TGM2: variants seen among roughly 807,000 people sequenced by gnomAD.
The protein encoded by TGM2 is protein-glutamine gamma-glutamyltransferase 2.
TGM2 carries 53 observed loss-of-function variants against 75.6 expected under a neutral mutation model. The ratio of observed to expected loss-of-function variants is 0.70; its 90% CI spans 0.56 to 0.88. The LOEUF (loss-of-function observed/expected upper bound fraction) is 0.88, where lower values mean the gene tolerates loss of function less well. Among genes scored for constraint, TGM2 ranks in the 40% least tolerant of loss-of-function variants. The pLI, the probability that TGM2 is intolerant of heterozygous loss-of-function variation, is 0.00. For synonymous variants in TGM2, 374 were observed against 381.1 expected (o/e 0.98, Z 0.22); for missense variants, 842 against 928.5 (o/e 0.91, Z 1.21).
intron 3 of TGM2, among the ~76,000 whole-genome samples, chr20:38,154,731 AC>A (rs1307149450): frequency 6.8e-5 from 10 of 147,852 alleles, no homozygotes; most frequent in Non-Finnish European, 1.0e-4. Flanking sequence ...GCTCCTACTC[AC>A]CCCCCTCCCC....
intron 12 of TGM2, 36 bp downstream of exon 12, chr20:38,131,057 C>T (rs1044393229): frequency 1.7e-5 from 27 of 1,608,744 alleles, no homozygotes; most frequent in African/African-American, 6.7e-5. Context: ...CTGCCCGCTT[C>T]CCCCAGGCCC....
chr20:38,139,209 A>G (rs1195736480), intron 9 of TGM2, among the ~76,000 whole-genome samples: 1 of 152,218 alleles, frequency 6.6e-6, no homozygotes, highest in East Asian at 1.9e-4. Context: ...CTCTTTCCCT[A>G]AATGAATAAT....
Position 38,138,327 on chromosome 20 carries a change from C to T in TGM2, c.1401G>A (p.Glu467=), listed in dbSNP as rs764406660. 8 of 1,614,226 alleles carry T rather than the reference C, an allele frequency of 5.0e-6. No homozygotes were observed. In the South Asian group the frequency reaches 7.7e-5, roughly 16 times the overall value. The change falls in exon 10 of 13, where the codon GAG becomes GAA. Residue 467 remains glutamate (E), a synonymous_variant. Transcript: ENST00000361475. ...TRANHLNKLA[E]KEETGMAMRI... ...GCATGGCCATCCCTGTCTCCTCCTT[C>T]TCGGCCAGTTTGTTCAGGTGGTTCG...
At chr20:38,168,140 T>C (rs964294280), upstream of TGM2, among the ~76,000 whole-genome samples, 3 of 152,152 alleles carry the variant, frequency 2.0e-5, no homozygotes, top group African/African-American at 7.2e-5. Flanking sequence ...CCACTTCCTC[T>C]CCCACATTCC....
intron 3 of TGM2, among the ~76,000 whole-genome samples, chr20:38,153,528 A>AAAAAAAGAAAAAAAAAAAG (rs56670550): frequency 8.0e-6 from 1 of 125,254 alleles, no homozygotes; most frequent in African/African-American, 3.4e-5. Flanking sequence ...TGGTCTCAAA[A>AAAAAAAGAAAAAAAAAAAG]AAAAGAAAAA....
intron 3 of TGM2, among the ~76,000 whole-genome samples, chr20:38,153,622 G>A (rs1360276741): frequency 6.6e-6 from 1 of 152,044 alleles, no homozygotes; most frequent in Non-Finnish European, 1.5e-5. Context: ...AAACCAAGTT[G>A]TAGGTTAATG....
Position 38,139,367 on chromosome 20 carries a change from G to C in TGM2, c.1342+45C>G, listed in dbSNP as rs763522596. 8.1e-6 allele frequency: 13 copies of C among 1,613,450 alleles called. No individual in the cohort carries two copies. The Admixed American group carries it at 2.0e-4, about 25-fold the overall frequency. ...CGAGCCTGCCGGGCTGGGAAAACTG[G>C]ATGCTTATCTTCAAGGCTGCATTAA... On this transcript the variant is annotated intron_variant, in intron 9 of 12. Transcript: ENST00000361475.
intron 6 of TGM2, among the ~76,000 whole-genome samples, chr20:38,144,185 C>A (rs1398226533): frequency 6.6e-6 from 1 of 152,216 alleles, no homozygotes; most frequent in Non-Finnish European, 1.5e-5. Flanking sequence ...TAACAGGAGG[C>A]TGCCCCAGCA....
intron 6 of TGM2, 46 bp from the exon 7 acceptor site, chr20:38,142,245 G>C (rs1470039648): frequency 8.7e-6 from 14 of 1,610,584 alleles, no homozygotes; most frequent in Non-Finnish European, 1.1e-5. Context: ...GGAGACATCC[G>C]CCCTGCTCTG....
chr20:38,148,080 C>T lies in TGM2; in HGVS notation c.562G>A (p.Gly188Arg). 1.2e-6 allele frequency: 2 copies of T among 1,614,136 alleles called. No homozygotes were observed. Among genetic ancestry groups the T allele is most frequent in the South Asian group, 2.2e-5 (2 of 91,060 alleles). The stretch of plus-strand genomic sequence containing the variant: ...AGGATCAGGCAGATGTCTAGGATCC[C>T]ATCTTCAAACTGTGTCAGAGGAAAC... The part of the protein sequence containing the change: ...IPWNFGQFED[G>R]ILDICLILLD... The change falls in exon 5 of 13, where the codon GGG becomes AGG. Residue 188 changes from glycine (G) to arginine (R), a missense_variant. Coordinates refer to ENST00000361475, the MANE Select transcript of TGM2 (RefSeq NM_004613.4).
chr20:38,131,222 C>T lies in TGM2; in HGVS notation c.1784G>A (p.Gly595Glu), dbSNP rs1490787627. 6.2e-7 allele frequency: 1 copy of T among 1,613,802 alleles called. No homozygotes were observed. The highest frequency in any genetic ancestry group is 1.1e-5 in the South Asian group (1 of 91,074). The change falls in exon 12 of 13, where the codon GGG (glycine) becomes GAG (glutamate). Residue 595 changes from glycine (G) to glutamate (E), a missense_variant. By Grantham distance (98) the Gly-to-Glu change is moderately conservative. Transcript: ENST00000361475. ...ENPEIKIRILGEPKQKRKLVA... is the reference protein window; with the variant it reads ...ENPEIKIRILEEPKQKRKLVA... Reference sequence around the variant, plus strand: ...CAGCTTGCGTTTCTGCTTGGGCTCCCCAAGGATCTGGAAGAGGGCATGGGG... The same window carrying T: ...CAGCTTGCGTTTCTGCTTGGGCTCCTCAAGGATCTGGAAGAGGGCATGGGG...
chr20:38,130,384 G>T lies in TGM2; in HGVS notation c.1914-15C>A, dbSNP rs188603887. 1.9e-6 allele frequency: 3 copies of T among 1,575,594 alleles called. No homozygotes were observed. The highest frequency in any genetic ancestry group is 1.7e-6 in the Non-Finnish European group (2 of 1,160,456). ...CGGGGTCTGGGCTGCAGGGAGAGAGGGGGTGGTGAGGAAAGGGGCCCAAGG... is the reference window on the plus strand; with the variant it reads ...CGGGGTCTGGGCTGCAGGGAGAGAGTGGGTGGTGAGGAAAGGGGCCCAAGG... On this transcript the variant is annotated splice_polypyrimidine_tract_variant and intron_variant, in intron 12 of 12. Coordinates refer to ENST00000361475, the MANE Select transcript of TGM2 (RefSeq NM_004613.4).
chr20:38,149,025 G>A (rs952904790), intron 4 of TGM2, among the ~76,000 whole-genome samples: 3 of 152,172 alleles, frequency 2.0e-5, no homozygotes, highest in Non-Finnish European at 4.4e-5. Context: ...GTTCAGGGCT[G>A]TTCCACAAAC....
chr20:38,136,798 T>C (rs1270555807), intron 10 of TGM2, among the ~76,000 whole-genome samples: 1 of 152,158 alleles, frequency 6.6e-6, no homozygotes, highest in East Asian at 1.9e-4. Flanking sequence ...CTGGGCTTGA[T>C]TCCTGGTCCC....
intron 6 of TGM2, among the ~76,000 whole-genome samples, chr20:38,143,589 GA>G (rs1219545722): frequency 6.6e-6 from 1 of 152,208 alleles, no homozygotes; most frequent in African/African-American, 2.4e-5. Flanking sequence ...GGGGAGGGAG[GA>G]AAATCCCGGT....
upstream of TGM2, among the ~76,000 whole-genome samples, chr20:38,165,650 CAAG>C (rs1270807245): frequency 6.7e-6 from 1 of 150,270 alleles, no homozygotes; most frequent in Non-Finnish European, 1.5e-5. Flanking sequence ...GATCTGGGAT[CAAG>C]AACACCTCCC....
chr20:38,165,935 C>T (rs1568709484), upstream of TGM2, among the ~76,000 whole-genome samples: 1 of 152,120 alleles, frequency 6.6e-6, no homozygotes, highest in African/African-American at 2.4e-5. Flanking sequence ...GCGAGCCACA[C>T]ACAGCTGTGG....
At chr20:38,135,027 A>G (rs6123388) in intron 10 of TGM2, among the ~76,000 whole-genome samples, 29,805 of 152,026 alleles carry the variant, frequency 0.2, 3,175 homozygotes, top group East Asian at 0.35. Flanking sequence ...TCTCCAGTGG[A>G]TCCCCAACAG....
At chr20:38,156,346 T>A (rs971550016) in intron 2 of TGM2, among the ~76,000 whole-genome samples, 2 of 152,126 alleles carry the variant, frequency 1.3e-5, no homozygotes, top group African/African-American at 2.4e-5. Context: ...AACTAAAGAG[T>A]CCTCCTGAGA....
Sources: allele counts gnomAD v4.1 joint callset (sites outside exome capture counted in the v4.1 genomes callset), GRCh38; gene constraint gnomAD v4.1.1; transcripts MANE v1.5; gene names NCBI Gene and HGNC (gene_info 2026-07-23, HGNC 2026-07-21).